Variants in EFCAB11 observed in about 807,000 individuals in gnomAD.
EFCAB11 encodes EF-hand calcium binding domain 11.
EFCAB11 carries 14 observed loss-of-function variants against 23.0 expected under a neutral mutation model. The ratio of observed to expected loss-of-function variants is 0.61; its 90% CI spans 0.40 to 0.95. The LOEUF (loss-of-function observed/expected upper bound fraction) is 0.95, where lower values mean the gene tolerates loss of function less well. EFCAB11 is among the 40% of genes least tolerant of loss of function. EFCAB11 has a pLI of 0.00. For synonymous variants in EFCAB11, 65 were observed against 66.6 expected, an observed-to-expected ratio of 0.98 and a Z score of 0.11; for missense variants, 198 against 195.8, an observed-to-expected ratio of 1.01 and a Z score of -0.07.
chr14:89,797,419 G>A (rs1184983024), intron 5 of EFCAB11, 95 bp from the exon 6 acceptor site: 12 of 1,115,454 alleles, frequency 1.1e-5, no homozygotes, highest in Non-Finnish European at 1.6e-5. Flanking sequence ...GCATGTCTGT[G>A]TGAGAGAGGA....
At position 89,797,181 on chromosome 14, in the gene EFCAB11, C is replaced by A. The variant is rs1555616; in HGVS notation, c.*62G>T. ...TGTAGCATGACATCATTAGTAGAGT[C>A]GAGTCTGCTGACATTACAATCTATT... is the stretch of plus-strand genomic sequence containing the variant. On this transcript the variant is annotated 3_prime_UTR_variant, in exon 6 of 6. Coordinates refer to ENST00000316738, the MANE Select transcript of EFCAB11 (RefSeq NM_145231.4). 1,234,329 of 1,441,232 alleles carry A rather than the reference C, an allele frequency of 0.86. 532,814 individuals carry two copies. The highest frequency in any genetic ancestry group is 0.89 in the Non-Finnish European group (918,474 of 1,036,208). The allele number at this position is 1,441,232 out of a possible 1,614,324, so 89.3% of individuals were successfully genotyped here.
intron 3 of EFCAB11, among the ~76,000 whole-genome samples, chr14:89,936,447 A>G (rs1023706477): frequency 6.6e-6 from 1 of 152,242 alleles, no homozygotes; most frequent in African/African-American, 2.4e-5. Context: ...CTGTATGCCT[A>G]TTACCACTTA....
intron 3 of EFCAB11, among the ~76,000 whole-genome samples, chr14:89,947,941 T>A (rs1891036845): frequency 6.6e-6 from 1 of 152,104 alleles, no homozygotes; most frequent in Non-Finnish European, 1.5e-5. Flanking sequence ...TCAAACATAC[T>A]CAAAATTGAG....
At chr14:89,887,770 A>G (rs1265546556) in intron 5 of EFCAB11, among the ~76,000 whole-genome samples, 2 of 152,256 alleles carry the variant, frequency 1.3e-5, no homozygotes, top group African/African-American at 2.4e-5. Flanking sequence ...GCAGGGATCA[A>G]AAAAGCAGGT....
chr14:89,893,070 C>T (rs1373164702), intron 5 of EFCAB11, among the ~76,000 whole-genome samples: 2 of 152,164 alleles, frequency 1.3e-5, no homozygotes, highest in African/African-American at 2.4e-5. Flanking sequence ...CACCCAGAGC[C>T]TGCCGCGCTG....
At chr14:89,895,310 A>C (rs1478695501) in intron 5 of EFCAB11, among the ~76,000 whole-genome samples, 4 of 152,242 alleles carry the variant, frequency 2.6e-5, no homozygotes, top group Non-Finnish European at 2.9e-5. Context: ...TGTAAAGTCA[A>C]TGTTAATCGA....
intron 5 of EFCAB11, among the ~76,000 whole-genome samples, chr14:89,801,276 C>G (rs1392176953): frequency 6.6e-6 from 1 of 152,104 alleles, no homozygotes; most frequent in African/African-American, 2.4e-5. Context: ...CTAACCTCTC[C>G]CCTATCTTCA....
At chr14:89,823,499 T>G (rs527346546) in intron 5 of EFCAB11, among the ~76,000 whole-genome samples, 2 of 152,284 alleles carry the variant, frequency 1.3e-5, no homozygotes, top group South Asian at 4.1e-4. Flanking sequence ...CTGTTAAGAT[T>G]GTGGCAGTTT....
intron 5 of EFCAB11, among the ~76,000 whole-genome samples, chr14:89,916,345 G>T (rs940155819): frequency 1.3e-5 from 2 of 152,098 alleles, no homozygotes; most frequent in African/African-American, 4.8e-5. Flanking sequence ...AAAAAGGAAA[G>T]AACCATCCAA....
At chr14:89,871,395 T>C (rs1888263103) in intron 5 of EFCAB11, among the ~76,000 whole-genome samples, 2 of 152,120 alleles carry the variant, frequency 1.3e-5, no homozygotes, top group Admixed American at 6.6e-5. Flanking sequence ...CAACCCAGGA[T>C]GAATCTCTGT....
chr14:89,816,868 C>T (rs1215464167), intron 5 of EFCAB11, among the ~76,000 whole-genome samples: 1 of 151,898 alleles, frequency 6.6e-6, no homozygotes, highest in Non-Finnish European at 1.5e-5. Flanking sequence ...ATAAAACATG[C>T]TCTAAAAATA....
chr14:89,932,474 CA>C, intron 4 of EFCAB11, 51 bp downstream of exon 4: 1 of 1,408,662 alleles, frequency 7.1e-7, no homozygotes, highest in Non-Finnish European at 9.9e-7. Context: ...ATCCTATTTG[CA>C]ATCCCTTAAA....
At chr14:89,828,247 GA>G (rs139081003) in intron 5 of EFCAB11, among the ~76,000 whole-genome samples, 4,027 of 152,192 alleles carry the variant, frequency 0.026, 183 homozygotes, top group African/African-American at 0.092. Flanking sequence ...AAAAACCTAT[GA>G]AAATGTAAGC....
chr14:89,932,196 A>G (rs17126477), intron 4 of EFCAB11, among the ~76,000 whole-genome samples: 4,536 of 152,160 alleles, frequency 0.03, 253 homozygotes, highest in African/African-American at 0.1. Flanking sequence ...TCAGAGCAAG[A>G]GTTGATGAAG....
rs137965750 is a variant in EFCAB11, at chr14:89,909,359, C to T, written c.410+22182G>A. ...TTGGGAGGCCAAGGTGGGCGGATCACCTATGGCGAGGAGTTTGAGACCAGC... is the reference window on the plus strand; with the variant it reads ...TTGGGAGGCCAAGGTGGGCGGATCATCTATGGCGAGGAGTTTGAGACCAGC... On this transcript the variant is annotated intron_variant, in intron 5 of 5. Coordinates refer to ENST00000316738, the MANE Select transcript of EFCAB11 (RefSeq NM_145231.4). 1.3e-3 allele frequency among the ~76,000 whole-genome samples: 198 copies of T among 152,316 alleles called. 1 individual carries two copies. Among genetic ancestry groups the T allele is most frequent in the Admixed American group, 5.6e-3 (86 of 15,306 alleles).
chr14:89,804,278 CT>C (rs1488091518), intron 5 of EFCAB11, among the ~76,000 whole-genome samples: 4 of 152,242 alleles, frequency 2.6e-5, no homozygotes, highest in African/African-American at 9.6e-5. Flanking sequence ...GCTGTTCTCT[CT>C]TTCCTTCATT....
intron 5 of EFCAB11, chr14:89,931,275 G>A: frequency 5.1e-6 from 2 of 392,270 alleles, no homozygotes; most frequent in Non-Finnish European, 9.1e-6. Context: ...CTTTCTTCCT[G>A]TTCCTCTCCT....
At chr14:89,865,778 C>T (rs577227196) in intron 5 of EFCAB11, among the ~76,000 whole-genome samples, 2 of 152,274 alleles carry the variant, frequency 1.3e-5, no homozygotes, top group African/African-American at 4.8e-5. Flanking sequence ...GATTCTCCTG[C>T]TTCAGACTCC....
At chr14:89,817,518 T>A (rs1886373011) in intron 5 of EFCAB11, among the ~76,000 whole-genome samples, 1 of 151,942 alleles carries the variant, frequency 6.6e-6, no homozygotes, top group African/African-American at 2.4e-5. Context: ...TGAGACTCCT[T>A]CTTAAAAAAA....
Sources: allele counts gnomAD v4.1 joint callset (sites outside exome capture counted in the v4.1 genomes callset), GRCh38; gene constraint gnomAD v4.1.1; transcripts MANE v1.5; gene names NCBI Gene and HGNC (gene_info 2026-07-23, HGNC 2026-07-21).